SGCZ: variants seen among roughly 807,000 people sequenced by gnomAD.
The protein encoded by SGCZ is sarcoglycan zeta, also known as zeta-sarcoglycan.
Under a neutral mutation model 41.3 loss-of-function variants are expected in SGCZ, and 40 were observed. That is an observed-to-expected ratio of 0.97 (90% CI 0.75 to 1.26). The LOEUF (loss-of-function observed/expected upper bound fraction) is 1.26, where lower values mean the gene tolerates loss of function less well. SGCZ is among the 50% of genes most tolerant of loss of function. The pLI, the probability that SGCZ is intolerant of heterozygous loss-of-function variation, is 0.00. For missense variants in SGCZ, 552 were observed against 369.8 expected (o/e 1.49, Z -4.04); for synonymous variants, 206 against 137.5 (o/e 1.50, Z -3.49).
At chr8:15,105,644 C>T (rs1046081780) in intron 1 of SGCZ, among the ~76,000 whole-genome samples, 1 of 152,126 alleles carries the variant, frequency 6.6e-6, no homozygotes, top group African/African-American at 2.4e-5. Flanking sequence ...GTGAGGATTA[C>T]CATTCATCAT....
chr8:14,649,822 C>G (rs1278849910), intron 1 of SGCZ, among the ~76,000 whole-genome samples: 1 of 151,978 alleles, frequency 6.6e-6, no homozygotes, highest in Non-Finnish European at 1.5e-5. Context: ...CCACCCAAGG[C>G]AGGGCAAAGG....
intron 2 of SGCZ, among the ~76,000 whole-genome samples, chr8:14,365,153 G>A (rs1035860853): frequency 4.0e-5 from 6 of 151,674 alleles, no homozygotes; most frequent in African/African-American, 2.4e-5. Context: ...TAGATTACAG[G>A]GTACATCCCT....
chr8:15,138,175 C>T (rs1808185295), intron 1 of SGCZ, among the ~76,000 whole-genome samples: 1 of 152,264 alleles, frequency 6.6e-6, no homozygotes. Context: ...CAGCCTGTAG[C>T]CCCTTGTTTT....
At chr8:15,122,159 C>T (rs575831959) in intron 1 of SGCZ, among the ~76,000 whole-genome samples, 1 of 150,702 alleles carries the variant, frequency 6.6e-6, no homozygotes, top group East Asian at 2.0e-4. Flanking sequence ...CATGGACATA[C>T]TCAACCCCAA....
At chr8:14,221,030 C>T (rs533616704) in intron 4 of SGCZ, among the ~76,000 whole-genome samples, 1 of 151,712 alleles carries the variant, frequency 6.6e-6, no homozygotes, top group East Asian at 1.9e-4. Flanking sequence ...AATAGAATTT[C>T]ATGGGGAAGC....
chr8:14,505,470 T>G (rs897091687), intron 2 of SGCZ, among the ~76,000 whole-genome samples: 36 of 152,128 alleles, frequency 2.4e-4, no homozygotes, highest in African/African-American at 8.7e-4. Flanking sequence ...AGTTGAGAAA[T>G]TAAGGATACT....
chr8:14,784,933 TAAA>T (rs33996345), intron 1 of SGCZ, among the ~76,000 whole-genome samples: 2 of 97,362 alleles, frequency 2.1e-5, no homozygotes, highest in African/African-American at 7.8e-5. Context: ...TATATATATA[TAAA>T]ATATATATAT....
chr8:14,435,085 T>A (rs1009825350), intron 2 of SGCZ, among the ~76,000 whole-genome samples: 6 of 152,176 alleles, frequency 3.9e-5, no homozygotes, highest in African/African-American at 1.2e-4. Context: ...AAAGTCGATA[T>A]ACTAGAGCAA....
At chr8:14,619,772 C>T (rs763899281) in intron 1 of SGCZ, among the ~76,000 whole-genome samples, 14 of 152,046 alleles carry the variant, frequency 9.2e-5, no homozygotes, top group Middle Eastern at 3.4e-3. Flanking sequence ...CTACAAACCA[C>T]GCTCAACGAA....
chr8:14,312,291 A>AT (rs1236077625), intron 3 of SGCZ, among the ~76,000 whole-genome samples: 1 of 152,136 alleles, frequency 6.6e-6, no homozygotes, highest in African/African-American at 2.4e-5. Context: ...CTGCTAATAT[A>AT]TTTTTTGTGG....
intron 2 of SGCZ, among the ~76,000 whole-genome samples, chr8:14,474,556 T>C (rs917003005): frequency 6.6e-6 from 1 of 152,226 alleles, no homozygotes; most frequent in Non-Finnish European, 1.5e-5. Flanking sequence ...GAGCGCTCCA[T>C]GAATTAATTT....
chr8:14,635,832 G>T (rs115440354), intron 1 of SGCZ, among the ~76,000 whole-genome samples: 2 of 151,794 alleles, frequency 1.3e-5, no homozygotes, highest in Non-Finnish European at 2.9e-5. Flanking sequence ...GCTGGAGATA[G>T]AATGAGAGAA....
At chr8:14,307,212 ACCTT>A (rs1240395379) in intron 3 of SGCZ, among the ~76,000 whole-genome samples, 4 of 152,154 alleles carry the variant, frequency 2.6e-5, no homozygotes, top group African/African-American at 9.7e-5. Context: ...TCTTATTGTT[ACCTT>A]CCTTATTTTC....
chr8:14,719,097 T>C (rs575599093), intron 1 of SGCZ, among the ~76,000 whole-genome samples: 20 of 147,942 alleles, frequency 1.4e-4, no homozygotes, highest in African/African-American at 5.0e-4. Context: ...AGTGAGAATA[T>C]GCGGTGTTTG....
chr8:14,547,031 A>T (rs1405938692), intron 2 of SGCZ, among the ~76,000 whole-genome samples: 2 of 152,152 alleles, frequency 1.3e-5, no homozygotes, highest in Non-Finnish European at 2.9e-5. Flanking sequence ...GCTGGAAAAA[A>T]AAAAGTACCT....
At chr8:14,977,102 A>G (rs554726284) in intron 1 of SGCZ, among the ~76,000 whole-genome samples, 87 of 152,332 alleles carry the variant, frequency 5.7e-4, no homozygotes, top group Non-Finnish European at 9.8e-4. Context: ...CTTTTCACGG[A>G]AAGTATTTAT....
intron 3 of SGCZ, among the ~76,000 whole-genome samples, chr8:14,256,117 T>C (rs917809806): frequency 2.0e-5 from 3 of 152,162 alleles, no homozygotes; most frequent in African/African-American, 7.2e-5. Flanking sequence ...AAAGCTGGGA[T>C]ACTTGATAGA....
At chr8:14,944,609 G>C (rs1800381270) in intron 1 of SGCZ, among the ~76,000 whole-genome samples, 1 of 152,046 alleles carries the variant, frequency 6.6e-6, no homozygotes, top group African/African-American at 2.4e-5. Flanking sequence ...AGATTATATG[G>C]GTCAGCAAGG....
chr8:14,536,733 T>G (rs989121796), intron 2 of SGCZ, among the ~76,000 whole-genome samples: 1 of 151,728 alleles, frequency 6.6e-6, no homozygotes, highest in Non-Finnish European at 1.5e-5. Context: ...TAGAAGATCA[T>G]GAGGAATATT....
Sources: gnomAD v4.1 joint callset for allele counts (sites outside exome capture counted in the v4.1 genomes callset) on GRCh38, gnomAD v4.1.1 for gene constraint, MANE v1.5 for transcripts, NCBI Gene and HGNC (gene_info 2026-07-23, HGNC 2026-07-21) for gene names.